APEH: variants seen among roughly 807,000 people sequenced by gnomAD.
APEH encodes acylaminoacyl-peptide hydrolase.
Under a neutral mutation model 102.7 loss-of-function variants are expected in APEH, and 75 were observed. The ratio of observed to expected loss-of-function variants is 0.73; its 90% CI spans 0.61 to 0.89. The LOEUF is 0.89. Ranked by LOEUF, APEH falls within the 40% of genes least tolerant of loss-of-function variation. The pLI, the probability that APEH is intolerant of heterozygous loss-of-function variation, is 0.00. For missense variants in APEH, 863 were observed against 941.2 expected, an observed-to-expected ratio of 0.92 and a Z score of 1.09; for synonymous variants, 344 against 362.7, an observed-to-expected ratio of 0.95 and a Z score of 0.59.
intron 8 of APEH, 27 bp from the exon 9 acceptor site, chr3:49,676,750 G>C (rs757523766): frequency 6.2e-7 from 1 of 1,614,150 alleles, no homozygotes; most frequent in Non-Finnish European, 8.5e-7. Context: ...CTGGCCTTGA[G>C]ACTGAGTGTC....
intron 15 of APEH, 145 bp downstream of exon 15, chr3:49,681,384 C>T: frequency 2.9e-6 from 3 of 1,027,910 alleles, no homozygotes; most frequent in Non-Finnish European, 4.0e-6. Flanking sequence ...TGTGGATGGG[C>T]ATGGGAAGTA....
Position 49,681,871 on chromosome 3 carries a change from C to T in APEH, c.1523-16C>T, listed in dbSNP as rs773889204. 18 of 1,613,064 alleles carry T rather than the reference C, an allele frequency of 1.1e-5. No individual in the cohort carries two copies. Among genetic ancestry groups the T allele is most frequent in the South Asian group, 3.3e-5 (3 of 91,074 alleles). On this transcript the variant is annotated splice_polypyrimidine_tract_variant and intron_variant, in intron 16 of 21. Coordinates refer to ENST00000296456, the MANE Select transcript of APEH (RefSeq NM_001640.4). ...CTTCCTAGCTGGCCCTTTCACCCTC[C>T]GCTCCCTGTCTGCAGGGGGGCCCCA...
At chr3:49,677,769 C>T in intron 11 of APEH, 136 bp downstream of exon 11, 1 of 855,778 alleles carries the variant, frequency 1.2e-6, no homozygotes, top group South Asian at 1.4e-5. Context: ...AGCCTTATGC[C>T]CAGCATCCTC....
Position 49,674,376 on chromosome 3 carries a change from C to G in APEH, c.-26C>G. On this transcript the variant is annotated 5_prime_UTR_variant, in exon 1 of 22. Coordinates refer to ENST00000296456, the MANE Select transcript of APEH (RefSeq NM_001640.4). ...ACTTCCGGGCGCGAGCACGCCCCGCCTCGCCCCGGCGGCAGAGAGGAGACT... is the reference window on the plus strand; with the variant it reads ...ACTTCCGGGCGCGAGCACGCCCCGCGTCGCCCCGGCGGCAGAGAGGAGACT... The G allele has an allele frequency of 2.6e-6, 4 of 1,562,516 alleles. No homozygotes were observed. The South Asian group carries it at 4.6e-5, about 18-fold the overall frequency.
At position 49,679,403 on chromosome 3, in the gene APEH, A is replaced by G. The variant is rs140918713; in HGVS notation, c.1159-190A>G. ...GCCCAGGGTCACCCAGCAAGTTGTG[A>G]TGGTGCTGGGATTTGAACCCAGGCC... On this transcript the variant is annotated intron_variant, in intron 12 of 21. Coordinates refer to ENST00000296456, the MANE Select transcript of APEH (RefSeq NM_001640.4). The surrounding 1 kb of genome is among the most constrained non-coding windows in gnomAD (Gnocchi z 4.3). Among the ~76,000 whole-genome samples the G allele has an allele frequency of 6.6e-6, 1 of 152,258 alleles. No homozygotes were observed. Among genetic ancestry groups the G allele is most frequent in the African/African-American group, 2.4e-5 (1 of 41,552 alleles).
In APEH at chr3:49,674,641, C is replaced by G; in HGVS notation, c.145+20C>G. 6.3e-7 allele frequency: 1 copy of G among 1,586,060 alleles called. No individual in the cohort carries two copies. Among genetic ancestry groups the G allele is most frequent in the East Asian group, 2.3e-5 (1 of 44,314 alleles). ...ACACTGGTGTGTGTGCGAAGGGGAACTGGCTGGCGACGGGGTCGCGCACTG... is the reference window on the plus strand; with the variant it reads ...ACACTGGTGTGTGTGCGAAGGGGAAGTGGCTGGCGACGGGGTCGCGCACTG... On this transcript the variant is annotated intron_variant, in intron 2 of 21. Transcript: ENST00000296456.
At position 49,681,317 on chromosome 3, in the gene APEH, C is replaced by G; in HGVS notation, c.1438+78C>G. The G allele has an allele frequency of 2.8e-6, 4 of 1,407,688 alleles. No individual in the cohort carries two copies. The South Asian group carries it at 4.7e-5, about 17-fold the overall frequency. 87.2% of individuals were successfully genotyped at this position (1,407,688 alleles called of 1,614,324 possible). A position where few individuals can be genotyped will look rare whatever the true frequency, so the allele number is the denominator to read the frequency against. ...GCCTCTGCGGTGACCTTTGCTACCT[C>G]CTCTCTCACATTGTGGGGTTTCTGG... On this transcript the variant is annotated intron_variant, in intron 15 of 21. Coordinates refer to ENST00000296456, the MANE Select transcript of APEH (RefSeq NM_001640.4).
upstream of APEH, among the ~76,000 whole-genome samples, chr3:49,673,841 A>G (rs2052885273): frequency 6.7e-6 from 1 of 148,738 alleles, no homozygotes; most frequent in Non-Finnish European, 1.5e-5. Context: ...GCTCACGCTC[A>G]CAGGCTCCCG....
At chr3:49,674,446 TGCA>T in intron 1 of APEH, 33 bp downstream of exon 1, 1 of 1,570,254 alleles carries the variant, frequency 6.4e-7, no homozygotes, top group Non-Finnish European at 8.6e-7. Flanking sequence ...CCGTGGTCCC[TGCA>T]GCCCGGGCCG....
intron 6 of APEH, 22 bp downstream of exon 6, chr3:49,676,241 AG>A: frequency 6.2e-7 from 1 of 1,612,682 alleles, no homozygotes; most frequent in Non-Finnish European, 8.5e-7. Flanking sequence ...CAATCCACGA[AG>A]GCCCGGCAGG....
chr3:49,675,657 C>G, intron 3 of APEH, 37 bp from the exon 4 acceptor site: 9 of 1,571,110 alleles, frequency 5.7e-6, no homozygotes, highest in South Asian at 1.1e-5. Context: ...GGGGTTATTG[C>G]AAGATAATCC....
intron 3 of APEH, 174 bp downstream of exon 3, chr3:49,675,483 A>C: frequency 9.2e-7 from 1 of 1,086,696 alleles, no homozygotes; most frequent in East Asian, 2.6e-5. Context: ...CTTGCTCCAA[A>C]CTCAGCCTGG....
chr3:49,676,822 G>C lies in APEH; in HGVS notation c.877+5G>C. On this transcript the variant is annotated splice_donor_5th_base_variant and intron_variant, in intron 9 of 21. Transcript: ENST00000296456. The stretch of plus-strand genomic sequence containing the variant: ...ACCTCATCGGGGGGAAGTGTGGTAA[G>C]TGGCTGATGCCCACCTGTGCTTTGC... The C allele has an allele frequency of 6.2e-7, 1 of 1,614,276 alleles. No individual in the cohort carries two copies. The highest frequency in any genetic ancestry group is 8.5e-7 in the Non-Finnish European group (1 of 1,180,056).
upstream of APEH, chr3:49,674,200 T>C: frequency 1.5e-6 from 1 of 663,384 alleles, no homozygotes; most frequent in Non-Finnish European, 2.5e-6. Context: ...ACCCAGGACT[T>C]CTCGCTCCCA....
intron 11 of APEH, among the ~76,000 whole-genome samples, chr3:49,678,537 G>A (rs1450486437): frequency 6.6e-6 from 1 of 152,178 alleles, no homozygotes; most frequent in African/African-American, 2.4e-5. Context: ...AAAGCACCTG[G>A]TACCTACCTG....
chr3:49,681,313 A>G (rs2053309410), intron 15 of APEH, 74 bp downstream of exon 15: 1 of 1,416,118 alleles, frequency 7.1e-7, no homozygotes, highest in East Asian at 2.6e-5. Flanking sequence ...GACCTTTGCT[A>G]CCTCCTCTCT....
chr3:49,683,866 G>T lies in APEH; in HGVS notation c.*524G>T. On this transcript the variant is annotated 3_prime_UTR_variant, in exon 22 of 22. Coordinates refer to ENST00000296456, the MANE Select transcript of APEH (RefSeq NM_001640.4). Reference sequence around the variant, plus strand: ...AGGCTGGACAGATCACCTAGCCCAGGGTGTGCTGGGCTCAAGCCACCCGAG... The same window carrying T: ...AGGCTGGACAGATCACCTAGCCCAGTGTGTGCTGGGCTCAAGCCACCCGAG... 1 of 1,044,628 alleles carries T rather than the reference G, an allele frequency of 9.6e-7. No individual in the cohort carries two copies. Among genetic ancestry groups the T allele is most frequent in the Non-Finnish European group, 1.4e-6 (1 of 726,720 alleles). 64.7% of individuals were successfully genotyped at this position (1,044,628 alleles called of 1,614,324 possible). A position where few individuals can be genotyped will look rare whatever the true frequency, so the allele number is the denominator to read the frequency against.
At position 49,683,841 on chromosome 3, in the gene APEH, A is replaced by T. The variant is rs1163835254; in HGVS notation, c.*499A>T. 1.2e-6 allele frequency: 1 copy of T among 865,456 alleles called. No homozygotes were observed. The highest frequency in any genetic ancestry group is 1.8e-6 in the Non-Finnish European group (1 of 569,548). The allele number at this position is 865,456 out of a possible 1,614,324, so 53.6% of individuals were successfully genotyped here. On this transcript the variant is annotated 3_prime_UTR_variant, in exon 22 of 22. Coordinates refer to ENST00000296456, the MANE Select transcript of APEH (RefSeq NM_001640.4). The stretch of plus-strand genomic sequence containing the variant: ...CATTGCCTTGGTTGGGGAAGCCCCT[A>T]GGCTGGACAGATCACCTAGCCCAGG...
chr3:49,676,591 C>T lies in APEH; in HGVS notation c.745-18C>T. On this transcript the variant is annotated intron_variant, in intron 7 of 21. Coordinates refer to ENST00000296456, the MANE Select transcript of APEH (RefSeq NM_001640.4). ...CTACCACCCCTTGCTCACTCCTGCC[C>T]TTTGATCCTGTTTACAGGCATTTTG... 1 of 1,614,242 alleles carries T rather than the reference C, an allele frequency of 6.2e-7. No individual in the cohort carries two copies. Among genetic ancestry groups the T allele is most frequent in the Non-Finnish European group, 8.5e-7 (1 of 1,180,040 alleles).
Sources: allele counts gnomAD v4.1 joint callset (sites outside exome capture counted in the v4.1 genomes callset), GRCh38; gene constraint gnomAD v4.1.1; non-coding constraint Gnocchi (gnomAD v3.1); transcripts MANE v1.5; gene names NCBI Gene and HGNC (gene_info 2026-07-23, HGNC 2026-07-21).